Variants in ACBD6 observed in about 807,000 individuals in gnomAD.
ACBD6 encodes acyl-CoA binding domain containing 6.
In ACBD6, 28 loss-of-function variants were observed where a neutral mutation model predicts 37.2. The ratio of observed to expected loss-of-function variants is 0.75; its 90% confidence interval spans 0.56 to 1.03. The LOEUF (loss-of-function observed/expected upper bound fraction) is 1.03, where lower values mean the gene tolerates loss of function less well. Ranked by LOEUF, ACBD6 falls within the 50% of genes least tolerant of loss-of-function variation. The pLI is 0.00. For synonymous variants in ACBD6, 113 were observed against 126.8 expected (o/e 0.89, Z 0.73); for missense variants, 340 against 337.4 (o/e 1.01, Z -0.06).
rs368052145 is a variant in ACBD6 at position 180,438,597 on chromosome 1, ACTT to A, written c.385-8338_385-8336del. 2.5e-4 allele frequency among the ~76,000 whole-genome samples: 38 copies of A among 152,208 alleles called. No homozygotes were observed. The East Asian group carries it at 6.6e-3, about 26-fold the overall frequency. ...TAGTTCTTTTTTCTTTTTTATTTAG[ACTT>A]CTTTTTAAAGCAAGTTTAGGTTTAC... On this transcript the variant is annotated intron_variant, in intron 3 of 7. Coordinates refer to ENST00000367595, the MANE Select transcript of ACBD6 (RefSeq NM_032360.4).
intron 7 of ACBD6, among the ~76,000 whole-genome samples, chr1:180,302,024 T>C (rs1305938679): frequency 6.6e-6 from 1 of 151,920 alleles, no homozygotes; most frequent in Admixed American, 6.6e-5. Flanking sequence ...TTTTAACTTT[T>C]TATAATAGAT....
intron 3 of ACBD6, among the ~76,000 whole-genome samples, chr1:180,433,593 T>A (rs945501675): frequency 2.5e-4 from 37 of 148,604 alleles, no homozygotes; most frequent in East Asian, 1.6e-3. Flanking sequence ...TGTGTGTGTG[T>A]GTGTGTGTGT....
At chr1:180,422,542 T>C (rs1648411538) in intron 4 of ACBD6, among the ~76,000 whole-genome samples, 1 of 152,138 alleles carries the variant, frequency 6.6e-6, no homozygotes, top group Non-Finnish European at 1.5e-5. Context: ...TCCGTAATGC[T>C]CAATTAATTT....
chr1:180,417,050 C>T (rs1648125713), intron 4 of ACBD6, among the ~76,000 whole-genome samples: 1 of 151,954 alleles, frequency 6.6e-6, no homozygotes, highest in South Asian at 2.1e-4. Context: ...AATGAAAATC[C>T]AAAGAAAGTA....
At chr1:180,481,099 C>A (rs1022793296) in intron 3 of ACBD6, among the ~76,000 whole-genome samples, 3 of 151,916 alleles carry the variant, frequency 2.0e-5, no homozygotes, top group African/African-American at 7.3e-5. Context: ...ATGGCAATAA[C>A]TGGCTGGAGC....
chr1:180,289,038 T>TAAAAAA (rs11353397), intron 7 of ACBD6, among the ~76,000 whole-genome samples: 1 of 102,966 alleles, frequency 9.7e-6, no homozygotes, highest in Non-Finnish European at 2.1e-5. Context: ...CTACAGGAAC[T>TAAAAAA]AAAAAAAAAA....
At chr1:180,323,152 A>G in intron 6 of ACBD6, among the ~76,000 whole-genome samples, 1 of 151,986 alleles carries the variant, frequency 6.6e-6, no homozygotes, top group Non-Finnish European at 1.5e-5. Flanking sequence ...ATGTCTCTGT[A>G]TAGTTTCCAA....
intron 3 of ACBD6, among the ~76,000 whole-genome samples, chr1:180,450,868 C>T (rs939288056): frequency 5.3e-5 from 8 of 152,036 alleles, no homozygotes; most frequent in African/African-American, 1.7e-4. Context: ...AAAACAATAA[C>T]GATACCAAAA....
chr1:180,376,056 T>C (rs1474909140), intron 6 of ACBD6, among the ~76,000 whole-genome samples: 1 of 152,022 alleles, frequency 6.6e-6, no homozygotes, highest in East Asian at 1.9e-4. Flanking sequence ...AACCAGGATA[T>C]AAAAATAGCC....
chr1:180,369,964 A>C (rs773594905), intron 6 of ACBD6, among the ~76,000 whole-genome samples: 7 of 152,224 alleles, frequency 4.6e-5, no homozygotes, highest in African/African-American at 7.2e-5. Flanking sequence ...TCATAATCTG[A>C]ATTCTTTTTT....
intron 7 of ACBD6, 43 bp from the exon 8 acceptor site, chr1:180,288,560 G>C: frequency 6.3e-7 from 1 of 1,579,396 alleles, no homozygotes; most frequent in Non-Finnish European, 8.6e-7. Context: ...TTTACCAAGA[G>C]ACAGAGAAAC....
At chr1:180,310,118 T>C (rs546906235) in intron 7 of ACBD6, among the ~76,000 whole-genome samples, 1 of 152,274 alleles carries the variant, frequency 6.6e-6, no homozygotes, top group Non-Finnish European at 1.5e-5. Flanking sequence ...AACTACTACA[T>C]ATGCTTTGGG....
chr1:180,337,478 A>G (rs566703843), intron 6 of ACBD6, among the ~76,000 whole-genome samples: 62 of 152,314 alleles, frequency 4.1e-4, no homozygotes, highest in African/African-American at 1.4e-3. Context: ...AACTCTCAAT[A>G]AATTAGGTAT....
chr1:180,380,615 A>T (rs973721812), intron 6 of ACBD6, among the ~76,000 whole-genome samples: 1 of 44,686 alleles, frequency 2.2e-5, no homozygotes, highest in Non-Finnish European at 1.0e-4. Context: ...TTTAAAAGTT[A>T]AAAAAAAAAT....
intron 6 of ACBD6, among the ~76,000 whole-genome samples, chr1:180,345,528 C>G (rs974159052): frequency 5.5e-5 from 1 of 18,286 alleles, no homozygotes; most frequent in Non-Finnish European, 9.4e-5. Context: ...AAAAATACTT[C>G]AAATATTTAA....
At chr1:180,355,015 T>A (rs1263085053) in intron 6 of ACBD6, among the ~76,000 whole-genome samples, 1 of 152,218 alleles carries the variant, frequency 6.6e-6, no homozygotes, top group Non-Finnish European at 1.5e-5. Context: ...CCTTTCTGCA[T>A]GCTGTATACT....
intron 3 of ACBD6, among the ~76,000 whole-genome samples, chr1:180,465,148 T>C (rs569391075): frequency 3.3e-5 from 5 of 152,294 alleles, no homozygotes; most frequent in African/African-American, 1.2e-4. Context: ...CCAAAAGCGA[T>C]TGCAACGAAA....
At chr1:180,488,774 T>C (rs4418555) in intron 3 of ACBD6, among the ~76,000 whole-genome samples, 83,518 of 151,664 alleles carry the variant, frequency 0.55, 23,820 homozygotes, top group South Asian at 0.67. Context: ...AGAGATGGGG[T>C]CTTGCTTTGT....
chr1:180,414,727 C>G (rs921843926), intron 4 of ACBD6, among the ~76,000 whole-genome samples: 2 of 152,182 alleles, frequency 1.3e-5, no homozygotes, highest in South Asian at 4.1e-4. Flanking sequence ...GGAAAAACAA[C>G]TTGCTTCAAA....
Sources: gnomAD v4.1 joint callset for allele counts (sites outside exome capture counted in the v4.1 genomes callset) on GRCh38, gnomAD v4.1.1 for gene constraint, MANE v1.5 for transcripts, NCBI Gene and HGNC (gene_info 2026-07-23, HGNC 2026-07-21) for gene names.